TDG: variants seen among roughly 807,000 people sequenced by gnomAD.
TDG encodes G/T mismatch-specific thymine DNA glycosylase.
In TDG, 23 loss-of-function variants were observed where a neutral mutation model predicts 46.1. The observed-to-expected ratio is 0.50, with a 90% confidence interval of 0.36 to 0.71. TDG has a LOEUF of 0.71. Ranked by LOEUF, TDG falls within the 30% of genes least tolerant of loss-of-function variation. The probability of loss-of-function intolerance (pLI) is 0.00; values close to 1 mark genes in which losing one functional copy is unlikely to be tolerated. For synonymous variants in TDG, 115 were observed against 161.3 expected (o/e 0.71, Z 2.18); for missense variants, 304 against 486.7 (o/e 0.62, Z 3.53).
intron 8 of TDG, 145 bp downstream of exon 8, chr12:103,985,065 GTA>G: frequency 5.0e-6 from 1 of 198,300 alleles, no homozygotes; most frequent in Non-Finnish European, 8.7e-6. Flanking sequence ...ATATACATGT[GTA>G]TATATACATA....
In TDG at chr12:103,981,226, C is replaced by CTT. The variant is rs11314473; in HGVS notation, c.478+289_478+290dup. On this transcript the variant is annotated intron_variant, in intron 4 of 9. Coordinates refer to ENST00000392872, the MANE Select transcript of TDG (RefSeq NM_003211.6). ...GAATTGTTTCTAATGAGTTGTACTA[C>CTT]TTTTTTTTTTTTTTTTTTTTTTTTT... 4.0e-3 allele frequency among the ~76,000 whole-genome samples: 275 copies of CTT among 69,410 alleles called. 25 individuals are homozygous for CTT. Among genetic ancestry groups the CTT allele is most frequent in the Non-Finnish European group, 6.3e-3 (237 of 37,562 alleles). 45.5% of individuals were successfully genotyped at this position (69,410 alleles called of 152,430 possible).
At chr12:103,976,406 CCCCA>C (rs1488846193) in intron 1 of TDG, among the ~76,000 whole-genome samples, 4 of 134,534 alleles carry the variant, frequency 3.0e-5, no homozygotes, top group African/African-American at 1.3e-4. Context: ...GACCCTGTCT[CCCCA>C]CACACACACA....
At position 103,979,785 on chromosome 12, in the gene TDG, T is replaced by G. The variant is rs1409102971; in HGVS notation, c.167-46T>G. On this transcript the variant is annotated intron_variant, in intron 2 of 9. Coordinates refer to ENST00000392872, the MANE Select transcript of TDG (RefSeq NM_003211.6). ...CTTTTCTGGGAAAGCTGCTAAAGTT[T>G]CTAAGTTAAGATTTTCTGCATTTCT... The G allele has an allele frequency of 9.8e-6, 15 of 1,529,216 alleles. No individual in the cohort carries two copies. In the Admixed American group the frequency reaches 3.2e-4, roughly 33 times the overall value. 94.7% of individuals were successfully genotyped at this position (1,529,216 alleles called of 1,614,324 possible). A position where few individuals can be genotyped will look rare whatever the true frequency, so the allele number is the denominator to read the frequency against.
At position 103,979,969 on chromosome 12, in the gene TDG, T is replaced by A; in HGVS notation, c.305T>A (p.Phe102Tyr). 1 of 1,613,006 alleles carries A rather than the reference T, an allele frequency of 6.2e-7. No homozygotes were observed. The highest frequency in any genetic ancestry group is 8.5e-7 in the Non-Finnish European group (1 of 1,179,958). The change falls in exon 3 of 10, where the codon TTT becomes TAT. Residue 102 changes from phenylalanine (F) to tyrosine (Y), a missense_variant. Transcript: ENST00000392872. Reference sequence around the variant, plus strand: ...AAACAAGAAAAAATTACAGACACATTTAAAGTAAAAAGAAAAGTAGACCGT... The same window carrying A: ...AAACAAGAAAAAATTACAGACACATATAAAGTAAAAAGAAAAGTAGACCGT... ...KEKQEKITDT[F>Y]KVKRKVDRFN...
chr12:103,986,909 T>C (rs778658750), intron 9 of TDG, 39 bp from the exon 10 acceptor site: 2 of 1,534,396 alleles, frequency 1.3e-6, no homozygotes, highest in East Asian at 5.1e-5. Flanking sequence ...CAAATATTTC[T>C]AAATGGCATA....
At chr12:103,969,311 T>C (rs1871190457) in intron 1 of TDG, among the ~76,000 whole-genome samples, 1 of 152,236 alleles carries the variant, frequency 6.6e-6, no homozygotes, top group African/African-American at 2.4e-5. Context: ...CAAAGTCTGC[T>C]TCTCTAGCTA....
intron 1 of TDG, among the ~76,000 whole-genome samples, chr12:103,976,105 A>G (rs1259322089): frequency 6.6e-6 from 1 of 151,878 alleles, no homozygotes; most frequent in Non-Finnish European, 1.5e-5. Context: ...TACCACCATC[A>G]ATAAAAATCA....
At chr12:103,969,753 T>C (rs374720090) in intron 1 of TDG, among the ~76,000 whole-genome samples, 23 of 152,302 alleles carry the variant, frequency 1.5e-4, no homozygotes, top group Middle Eastern at 3.4e-3. Context: ...AACAGTATAA[T>C]GTGGGTGCCA....
intron 1 of TDG, among the ~76,000 whole-genome samples, chr12:103,970,493 A>G (rs1871241366): frequency 6.6e-6 from 1 of 151,994 alleles, no homozygotes; most frequent in South Asian, 2.1e-4. Context: ...AGAAAAAAGC[A>G]ACTTAAATCC....
chr12:103,966,796 GA>G (rs1251308645), intron 1 of TDG, among the ~76,000 whole-genome samples: 1 of 152,008 alleles, frequency 6.6e-6, no homozygotes, highest in African/African-American at 2.4e-5. Context: ...AAATTAAAAG[GA>G]AAAAAACCTA....
At chr12:103,971,192 C>G (rs1474995285) in intron 1 of TDG, among the ~76,000 whole-genome samples, 1 of 152,110 alleles carries the variant, frequency 6.6e-6, no homozygotes, top group African/African-American at 2.4e-5. Flanking sequence ...TAGGTACATA[C>G]CACAGTCCAT....
At chr12:103,972,799 C>A (rs1280889065) in intron 1 of TDG, among the ~76,000 whole-genome samples, 1 of 152,124 alleles carries the variant, frequency 6.6e-6, no homozygotes, top group Non-Finnish European at 1.5e-5. Context: ...TTTTATTCAG[C>A]CAACTGTGAT....
Position 103,986,926 on chromosome 12 carries a change from CTTTG to C in TDG, c.1091-18_1091-15del, listed in dbSNP as rs1566185275. Reference sequence around the variant, plus strand: ...AATATTTCTAAATGGCATAAACTAACTTTGTTTTTCTTTTCTGGCAGTTGAGAGC... The same window carrying C: ...AATATTTCTAAATGGCATAAACTAACTTTTTCTTTTCTGGCAGTTGAGAGC... On this transcript the variant is annotated intron_variant, in intron 9 of 9. Transcript: ENST00000392872. 4.5e-6 allele frequency: 6 copies of C among 1,339,600 alleles called. No homozygotes were observed. The highest frequency in any genetic ancestry group is 4.5e-5 in the South Asian group (3 of 67,102). The allele number at this position is 1,339,600 out of a possible 1,614,324, so 83.0% of individuals were successfully genotyped here. A position where few individuals can be genotyped will look rare whatever the true frequency, so the allele number is the denominator to read the frequency against.
chr12:103,978,729 G>A (rs1019923393), intron 2 of TDG, among the ~76,000 whole-genome samples: 1 of 152,194 alleles, frequency 6.6e-6, no homozygotes, highest in Admixed American at 6.5e-5. Flanking sequence ...CTATAGGTCA[G>A]TGGTTTTCAA....
At chr12:103,980,540 G>T in intron 3 of TDG, 3 of 230,686 alleles carry the variant, frequency 1.3e-5, no homozygotes, top group Non-Finnish European at 1.7e-5. Flanking sequence ...GCTTCTTGTT[G>T]AAAGTTGAGA....
chr12:103,975,991 A>C (rs907485385), intron 1 of TDG, among the ~76,000 whole-genome samples: 2 of 151,740 alleles, frequency 1.3e-5, no homozygotes, highest in African/African-American at 4.8e-5. Flanking sequence ...CTACCTCTCA[A>C]CACTTGCATT....
In TDG at chr12:103,980,979, T is replaced by G. The variant is rs999567997; in HGVS notation, c.478+17T>G. 1 of 1,596,000 alleles carries G rather than the reference T, an allele frequency of 6.3e-7. No individual in the cohort carries two copies. The highest frequency in any genetic ancestry group is 1.3e-5 in the African/African-American group (1 of 74,086). ...ACCATTTTTGTAAGTGGTTACCTTTTAAATTAATTTACTTTTAAATTAGGT... is the reference window on the plus strand; with the variant it reads ...ACCATTTTTGTAAGTGGTTACCTTTGAAATTAATTTACTTTTAAATTAGGT... On this transcript the variant is annotated intron_variant, in intron 4 of 9. Transcript: ENST00000392872.
chr12:103,986,862 G>A, intron 9 of TDG, 86 bp from the exon 10 acceptor site: 2 of 1,462,096 alleles, frequency 1.4e-6, no homozygotes, highest in South Asian at 1.2e-5. Flanking sequence ...TCCAGCCTGG[G>A]CGATAGAGTA....
intron 2 of TDG, among the ~76,000 whole-genome samples, chr12:103,977,400 A>G (rs557730336): frequency 6.6e-6 from 1 of 152,308 alleles, no homozygotes; most frequent in East Asian, 1.9e-4. Context: ...CCCAGAGCAG[A>G]GAAATAACAC....
Sources: allele counts gnomAD v4.1 joint callset (sites outside exome capture counted in the v4.1 genomes callset), GRCh38; gene constraint gnomAD v4.1.1; transcripts MANE v1.5; gene names NCBI Gene and HGNC (gene_info 2026-07-23, HGNC 2026-07-21).